FRAS1: variants seen among roughly 807,000 people sequenced by gnomAD.
FRAS1 encodes Fraser extracellular matrix complex subunit 1, also known as extracellular matrix organizing protein FRAS1.
Under a neutral mutation model 435.2 loss-of-function variants are expected in FRAS1, and 290 were observed. The ratio of observed to expected loss-of-function variants is 0.67; its 90% CI spans 0.61 to 0.73. The LOEUF (loss-of-function observed/expected upper bound fraction) is 0.73. Among genes scored for constraint, FRAS1 ranks in the 30% least tolerant of loss-of-function variants. The pLI, the probability that FRAS1 is intolerant of heterozygous loss-of-function variation, is 0.00. For missense variants in FRAS1, 4,860 were observed against 5,001.5 expected (o/e 0.97, Z 0.85); for synonymous variants, 1,800 against 1,851.0 (o/e 0.97, Z 0.71).
chr4:78,251,918 TGA>T (rs35796361), intron 4 of FRAS1, among the ~76,000 whole-genome samples: 14 of 148,452 alleles, frequency 9.4e-5, no homozygotes, highest in Non-Finnish European at 1.3e-4. Flanking sequence ...CTGGAACAGT[TGA>T]GAGAGAGAGA....
At chr4:78,396,739 G>T (rs756232148) in intron 29 of FRAS1, among the ~76,000 whole-genome samples, 39 of 152,136 alleles carry the variant, frequency 2.6e-4, no homozygotes, top group Non-Finnish European at 1.3e-4. Context: ...CCTCTGACTG[G>T]ATAGTTTCAA....
intron 33 of FRAS1, among the ~76,000 whole-genome samples, chr4:78,419,452 A>T (rs995351916): frequency 6.6e-6 from 1 of 152,204 alleles, no homozygotes; most frequent in African/African-American, 2.4e-5. Context: ...TATGTTCAGG[A>T]TAAGGAGTTC....
chr4:78,440,799 C>T (rs774392941), intron 40 of FRAS1, among the ~76,000 whole-genome samples: 56 of 152,326 alleles, frequency 3.7e-4, no homozygotes, highest in Non-Finnish European at 5.4e-4. Flanking sequence ...CTATCATTCT[C>T]TAGCTGTGGG....
chr4:78,346,536 C>A (rs374051592), intron 20 of FRAS1, among the ~76,000 whole-genome samples: 1 of 152,158 alleles, frequency 6.6e-6, no homozygotes, highest in African/African-American at 2.4e-5. Context: ...GATCTAGTTT[C>A]CATAAGACCC....
In FRAS1 at chr4:78,337,251, C is replaced by T. The variant is rs114802742; in HGVS notation, c.2279-423C>T. ...TGCTGTGTGTGGATTCCCCCCTCAT[C>T]TGCTAGAAATTTCTGAGAAGCAAAA... On this transcript the variant is annotated intron_variant, in intron 19 of 73. Coordinates refer to ENST00000512123, the MANE Select transcript of FRAS1 (RefSeq NM_025074.7). Among the ~76,000 whole-genome samples the T allele has an allele frequency of 8.7e-4, 133 of 152,324 alleles. 1 individual carries two copies. The highest frequency in any genetic ancestry group is 3.0e-3 in the African/African-American group (126 of 41,570).
chr4:78,463,758 A>G (rs1455527580), intron 47 of FRAS1, among the ~76,000 whole-genome samples: 1 of 152,218 alleles, frequency 6.6e-6, no homozygotes, highest in African/African-American at 2.4e-5. Flanking sequence ...CCCAAGAAAA[A>G]GAAGAGTAAC....
intron 16 of FRAS1, among the ~76,000 whole-genome samples, chr4:78,316,706 C>T (rs999030904): frequency 6.6e-6 from 1 of 152,184 alleles, no homozygotes. Flanking sequence ...CTGACATTGT[C>T]ATATGTTGTG....
At chr4:78,346,792 G>T (rs1242241571) in intron 20 of FRAS1, among the ~76,000 whole-genome samples, 1 of 151,744 alleles carries the variant, frequency 6.6e-6, no homozygotes, top group Non-Finnish European at 1.5e-5. Flanking sequence ...CCCTCATTCT[G>T]CCCTGGGGAG....
At chr4:78,369,593 G>A (rs1045946883) in intron 22 of FRAS1, among the ~76,000 whole-genome samples, 2 of 151,902 alleles carry the variant, frequency 1.3e-5, no homozygotes, top group Non-Finnish European at 2.9e-5. Context: ...AGAGCAATTT[G>A]GATATGGGAT....
At chr4:78,256,487 A>G (rs1725802227) in intron 6 of FRAS1, among the ~76,000 whole-genome samples, 1 of 152,312 alleles carries the variant, frequency 6.6e-6, no homozygotes, top group South Asian at 2.1e-4. Flanking sequence ...GTTTGCCACC[A>G]TAACAATAAG....
intron 2 of FRAS1, among the ~76,000 whole-genome samples, chr4:78,161,793 T>C (rs1330907168): frequency 7.4e-6 from 1 of 134,810 alleles, no homozygotes; most frequent in Non-Finnish European, 1.5e-5. Flanking sequence ...GAAAAGAAAG[T>C]GCTCTCCTAC....
intron 15 of FRAS1, among the ~76,000 whole-genome samples, chr4:78,310,422 G>A (rs928755736): frequency 2.6e-5 from 4 of 152,196 alleles, no homozygotes; most frequent in African/African-American, 9.7e-5. Flanking sequence ...TAGTTAATGC[G>A]AGACTGGAGG....
chr4:78,464,610 T>C, intron 49 of FRAS1, 27 bp downstream of exon 49: 1 of 1,611,364 alleles, frequency 6.2e-7, no homozygotes, highest in Non-Finnish European at 8.5e-7. Context: ...CCATGGGTTC[T>C]CTGGCTAAAT....
At chr4:78,424,361 T>C (rs770245956) in intron 34 of FRAS1, 27 bp from the exon 35 acceptor site, 6 of 1,372,700 alleles carry the variant, frequency 4.4e-6, no homozygotes, top group East Asian at 2.7e-5. Context: ...GTGTTTAATA[T>C]ACTGATTGTC....
chr4:78,227,593 G>A (rs1324853335), intron 2 of FRAS1, among the ~76,000 whole-genome samples: 2 of 152,242 alleles, frequency 1.3e-5, no homozygotes, highest in Non-Finnish European at 2.9e-5. Flanking sequence ...AGTTTAAATG[G>A]CCAAGGGGCT....
rs140477179 is a variant in FRAS1 at position 78,169,281 on chromosome 4, C to G, written c.109-68229C>G. On this transcript the variant is annotated intron_variant, in intron 2 of 73. Transcript: ENST00000512123. ...GGTCTACTTTTCATTAACCATATTA[C>G]TTCTGGCAAATTGTTTTACCTCTGT... 5.3e-3 allele frequency among the ~76,000 whole-genome samples: 808 copies of G among 152,228 alleles called. 4 individuals are homozygous for G. The highest frequency in any genetic ancestry group is 9.0e-3 in the Non-Finnish European group (612 of 68,010).
At chr4:78,103,545 G>A (rs1281272932) in intron 2 of FRAS1, among the ~76,000 whole-genome samples, 2 of 152,170 alleles carry the variant, frequency 1.3e-5, no homozygotes, top group Non-Finnish European at 2.9e-5. Context: ...TTGAATGCTT[G>A]TGTCCCTCCA....
chr4:78,492,485 A>G (rs952181160), intron 59 of FRAS1, among the ~76,000 whole-genome samples: 2 of 152,204 alleles, frequency 1.3e-5, no homozygotes, highest in African/African-American at 4.8e-5. Context: ...CTCAGAAATA[A>G]TGTCACACAT....
At chr4:78,425,887 G>A (rs1401108384) in intron 35 of FRAS1, among the ~76,000 whole-genome samples, 2 of 152,134 alleles carry the variant, frequency 1.3e-5, no homozygotes, top group African/African-American at 4.8e-5. Flanking sequence ...TGTACTCCCA[G>A]CACTTTGGGA....
Sources: gnomAD v4.1 joint callset for allele counts (sites outside exome capture counted in the v4.1 genomes callset) on GRCh38, gnomAD v4.1.1 for gene constraint, MANE v1.5 for transcripts, NCBI Gene and HGNC (gene_info 2026-07-23, HGNC 2026-07-21) for gene names.